Variants in NAV2 observed in about 807,000 individuals in gnomAD.
The protein encoded by NAV2 is neuron navigator 2.
NAV2 carries 54 observed loss-of-function variants against 223.2 expected under a neutral mutation model. The observed-to-expected ratio is 0.24, with a 90% CI of 0.19 to 0.30. The LOEUF is 0.30. Ranked by LOEUF, NAV2 falls within the 10% of genes least tolerant of loss-of-function variation. NAV2 has a pLI of 1.00. For missense variants in NAV2, 2,806 were observed against 3,147.5 expected (o/e 0.89, Z 2.60); for synonymous variants, 1,279 against 1,239.3 (o/e 1.03, Z -0.67).
At chr11:19,383,499 T>C (rs546887687) in intron 1 of NAV2, among the ~76,000 whole-genome samples, 12 of 152,292 alleles carry the variant, frequency 7.9e-5, no homozygotes, top group African/African-American at 2.9e-4. Context: ...CTCCCAACAA[T>C]ATAGACCCTT....
chr11:19,608,796 C>A (rs937684065), intron 1 of NAV2, among the ~76,000 whole-genome samples: 4 of 152,226 alleles, frequency 2.6e-5, no homozygotes, highest in African/African-American at 7.2e-5. Flanking sequence ...TAATGACTTT[C>A]TGGAGGTCCG....
intron 2 of NAV2, among the ~76,000 whole-genome samples, chr11:19,839,125 A>G (rs544618677): frequency 1.3e-5 from 2 of 152,268 alleles, no homozygotes; most frequent in South Asian, 4.1e-4. Flanking sequence ...ACGTCTTGTT[A>G]GTGTGATTAT....
At chr11:19,941,064 G>A (rs977726949) in intron 8 of NAV2, among the ~76,000 whole-genome samples, 2 of 152,164 alleles carry the variant, frequency 1.3e-5, no homozygotes, top group Non-Finnish European at 2.9e-5. Flanking sequence ...TGTGGCCCGT[G>A]GAGCAGTGTG....
chr11:19,781,092 CTA>C (rs1317225276), intron 1 of NAV2, among the ~76,000 whole-genome samples: 3 of 152,190 alleles, frequency 2.0e-5, no homozygotes, highest in African/African-American at 4.8e-5. Context: ...GAAATAAAAA[CTA>C]TTATTATCTC....
Position 20,114,693 on chromosome 11 carries a change from G to A in NAV2, c.7062G>A (p.Leu2354=). The A allele has an allele frequency of 1.9e-6, 3 of 1,614,184 alleles. No individual in the cohort carries two copies. Among genetic ancestry groups the A allele is most frequent in the African/African-American group, 1.3e-5 (1 of 75,040 alleles). ...AACAGCACGAGTGGCCTCCCCTGCTGCAGTTACGGCCTGAGGATGTCGGCT... is the reference window on the plus strand; with the variant it reads ...AACAGCACGAGTGGCCTCCCCTGCTACAGTTACGGCCTGAGGATGTCGGCT... ...SPQQHEWPPL[L]QLRPEDVGFD... The change falls in exon 37 of 38, where the codon CTG becomes CTA. Residue 2354 remains leucine (L), a synonymous_variant. Transcript: ENST00000349880.
In NAV2 at chr11:19,998,160, A is replaced by T. The variant is rs1245679670; in HGVS notation, c.2768+13913A>T. On this transcript the variant is annotated intron_variant, in intron 11 of 37. Transcript: ENST00000349880. The surrounding 1 kb of genome is among the most constrained non-coding windows in gnomAD (Gnocchi z 5.0). ...ATATTATCCTAAGATAATTGATAAGACTGACTGAAGAGTTTTCCTCCCCCT... is the reference window on the plus strand; with the variant it reads ...ATATTATCCTAAGATAATTGATAAGTCTGACTGAAGAGTTTTCCTCCCCCT... Among the ~76,000 whole-genome samples the T allele has an allele frequency of 6.6e-6, 1 of 152,092 alleles. No individual in the cohort carries two copies. Among genetic ancestry groups the T allele is most frequent in the Non-Finnish European group, 1.5e-5 (1 of 68,018 alleles).
chr11:19,350,479 A>T (rs964394471), upstream of NAV2, among the ~76,000 whole-genome samples: 3 of 152,218 alleles, frequency 2.0e-5, no homozygotes, highest in South Asian at 6.2e-4. Context: ...CAGTGTTTGC[A>T]GTGATTTATG....
intron 1 of NAV2, among the ~76,000 whole-genome samples, chr11:19,369,686 T>A: frequency 6.6e-6 from 1 of 152,186 alleles, no homozygotes; most frequent in East Asian, 1.9e-4. Context: ...AATGCTCAGT[T>A]AAGGCAGTTT....
At chr11:19,968,121 AGATGTTCAT>A (rs11276661) in intron 10 of NAV2, among the ~76,000 whole-genome samples, 96,538 of 151,508 alleles carry the variant, frequency 0.64, 31,851 homozygotes, top group Middle Eastern at 0.75. Context: ...ACACCAGCTG[AGATGTTCAT>A]GAACTTTACT....
Position 20,097,652 on chromosome 11 carries a change from G to A in NAV2, c.6088G>A (p.Glu2030Lys). The A allele has an allele frequency of 6.2e-7, 1 of 1,613,786 alleles. No homozygotes were observed. The highest frequency in any genetic ancestry group is 8.5e-7 in the Non-Finnish European group (1 of 1,179,932). Residue 2030 changes from glutamate (E) to lysine (K), a missense_variant, in exon 31 of 38, where the codon GAA (glutamate) becomes AAA (lysine). This residue lies in a region of NAV2 where 824 missense variants were observed against 1,069.4 expected (regional missense o/e 0.77). Transcript: ENST00000349880. The part of the protein sequence containing the change: ...SDSVLGYSIG[E>K]IKRSNTSETP... Reference sequence around the variant, plus strand: ...CAGCGTTCTTGGCTACAGCATTGGAGAAATCAAGCGCAGCAACACTTCCGA... The same window carrying A: ...CAGCGTTCTTGGCTACAGCATTGGAAAAATCAAGCGCAGCAACACTTCCGA...
intron 1 of NAV2, among the ~76,000 whole-genome samples, chr11:19,417,092 C>A (rs965067173): frequency 6.6e-6 from 1 of 152,008 alleles, no homozygotes; most frequent in African/African-American, 2.4e-5. Context: ...CACAATTGAC[C>A]AATGGGATCT....
intron 1 of NAV2, chr11:19,777,346 C>G (rs1469175129): frequency 9.2e-6 from 3 of 327,408 alleles, no homozygotes; most frequent in African/African-American, 2.3e-5. Context: ...GGGCCGCGGC[C>G]GAGAGGAGAC....
intron 1 of NAV2, among the ~76,000 whole-genome samples, chr11:19,532,915 G>A (rs1254569958): frequency 6.6e-6 from 1 of 152,234 alleles, no homozygotes; most frequent in Admixed American, 6.5e-5. Flanking sequence ...ATGTTGGAGT[G>A]TAGAGGTAAC....
At chr11:20,034,380 G>C (rs376496060) in intron 11 of NAV2, among the ~76,000 whole-genome samples, 26 of 111,212 alleles carry the variant, frequency 2.3e-4, no homozygotes, top group Non-Finnish European at 9.7e-5. Flanking sequence ...TTTTTTTTTT[G>C]TTTGTTTGTT....
chr11:19,933,664 G>A lies in NAV2; in HGVS notation c.1420G>A (p.Ala474Thr). ...CATTGCCCAGAGGACTTTTAGCCGGGCACTGACCAACAAGAAGAGTTCTCT... is the reference window on the plus strand; with the variant it reads ...CATTGCCCAGAGGACTTTTAGCCGGACACTGACCAACAAGAAGAGTTCTCT... ...KGIAQRTFSR[A>T]LTNKKSSLKG... The change falls in exon 7 of 38, where the codon GCA becomes ACA. Residue 474 changes from alanine (A) to threonine (T), a missense_variant. Ala to Thr is a moderately conservative substitution (Grantham distance 58, BLOSUM62 0). Around this residue, in one of 4 missense-constraint regions of NAV2, gnomAD observed 1,167 missense variants for 1,180.5 expected, o/e 0.99. Transcript: ENST00000349880. This position sits in a 1 kb window ranked among gnomAD's most constrained non-coding sequence, Gnocchi z 4.3. The A allele has an allele frequency of 1.2e-6, 2 of 1,614,190 alleles. No individual in the cohort carries two copies. The highest frequency in any genetic ancestry group is 1.7e-6 in the Non-Finnish European group (2 of 1,180,036).
At position 20,105,745 on chromosome 11, in the gene NAV2, G is replaced by T; in HGVS notation, c.6841+18G>T. 6.2e-7 allele frequency: 1 copy of T among 1,603,926 alleles called. No homozygotes were observed. The highest frequency in any genetic ancestry group is 8.5e-7 in the Non-Finnish European group (1 of 1,173,942). On this transcript the variant is annotated intron_variant, in intron 35 of 37. Coordinates refer to ENST00000349880, the MANE Select transcript of NAV2 (RefSeq NM_145117.5). ...CACCATCGGTGGGTGGGAGACTGGG[G>T]TCAGGGGGGCGGGCTGGCATCCTCA...
At chr11:19,834,811 G>T (rs775738502) in intron 2 of NAV2, among the ~76,000 whole-genome samples, 11 of 152,222 alleles carry the variant, frequency 7.2e-5, no homozygotes, top group Non-Finnish European at 1.3e-4. Context: ...GATCAGCTGT[G>T]CTGCCTGTTT....
intron 6 of NAV2, among the ~76,000 whole-genome samples, chr11:19,905,151 G>A (rs2042765163): frequency 6.6e-6 from 1 of 152,194 alleles, no homozygotes; most frequent in Non-Finnish European, 1.5e-5. Flanking sequence ...ATCTTACGTG[G>A]ATATGCCTGT....
chr11:19,611,660 C>T (rs1177783105), intron 1 of NAV2, among the ~76,000 whole-genome samples: 1 of 152,252 alleles, frequency 6.6e-6, no homozygotes, highest in African/African-American at 2.4e-5. Flanking sequence ...GGTCTCACAT[C>T]CAGGTCACTC....
Sources: gnomAD v4.1 joint callset for allele counts (sites outside exome capture counted in the v4.1 genomes callset) on GRCh38, gnomAD v4.1.1 for gene constraint, gnomAD v4.1.1 regional missense constraint, Gnocchi (gnomAD v3.1) non-coding constraint, MANE v1.5 for transcripts, NCBI Gene and HGNC (gene_info 2026-07-23, HGNC 2026-07-21) for gene names.